Variants in WDR59 observed in about 807,000 individuals in gnomAD.
WDR59 encodes the protein WD repeat domain 59.
WDR59 carries 100 observed loss-of-function variants against 131.2 expected under a neutral mutation model. The observed-to-expected ratio is 0.76, with a 90% CI of 0.65 to 0.90. The LOEUF is 0.90. Ranked by LOEUF, WDR59 falls within the 40% of genes least tolerant of loss-of-function variation. The pLI, the probability that WDR59 is intolerant of heterozygous loss-of-function variation, is 0.00. For missense variants in WDR59, 1,203 were observed against 1,262.2 expected (o/e 0.95, Z 0.71); for synonymous variants, 601 against 466.2 (o/e 1.29, Z -3.72).
chr16:74,945,466 G>T (rs903217214), intron 6 of WDR59, among the ~76,000 whole-genome samples: 1 of 151,704 alleles, frequency 6.6e-6, no homozygotes, highest in East Asian at 1.9e-4. Flanking sequence ...AACAGAGCGA[G>T]ACTCTGTCTC....
chr16:74,915,849 A>G, intron 13 of WDR59, 21 bp downstream of exon 13: 1 of 1,614,216 alleles, frequency 6.2e-7, no homozygotes, highest in Non-Finnish European at 8.5e-7. Flanking sequence ...AACATGAGAT[A>G]CAGTTGATTA....
intron 1 of WDR59, among the ~76,000 whole-genome samples, chr16:74,966,212 G>C (rs1648090226): frequency 6.6e-6 from 1 of 152,132 alleles, no homozygotes; most frequent in African/African-American, 2.4e-5. Flanking sequence ...GGGCGGGGTG[G>C]CTCACACCTG....
Position 74,927,904 on chromosome 16 carries a change from C to CTT in WDR59, c.652-3903_652-3902dup, listed in dbSNP as rs199671092. On this transcript the variant is annotated intron_variant, in intron 8 of 25. Transcript: ENST00000262144. ...TTTTTTCCCCTTTTCTTTATTCTTT[C>CTT]TTTCTTTTTTTTTTTTTTTTTTGAG... Among the ~76,000 whole-genome samples, 278 of 137,858 alleles carry CTT rather than the reference C, an allele frequency of 2.0e-3. 4 individuals carry two copies. Among genetic ancestry groups the CTT allele is most frequent in the African/African-American group, 7.5e-3 (268 of 35,772 alleles). 90.4% of individuals were successfully genotyped at this position (137,858 alleles called of 152,430 possible). A position where few individuals can be genotyped will look rare whatever the true frequency, so the allele number is the denominator to read the frequency against.
chr16:74,972,117 A>C (rs1209420843), intron 1 of WDR59, among the ~76,000 whole-genome samples: 2 of 152,198 alleles, frequency 1.3e-5, no homozygotes, highest in African/African-American at 4.8e-5. Context: ...GAAGAGAATG[A>C]AGTTCTTAGA....
rs779964338 is a variant in WDR59 at position 74,956,652 on chromosome 16, C to A, written c.105-42G>T. On this transcript the variant is annotated intron_variant, in intron 2 of 25. Coordinates refer to ENST00000262144, the MANE Select transcript of WDR59 (RefSeq NM_030581.4). ...ACATTATAATAGTATAAAAACACAA[C>A]ATCATTAGCATTAAGATAGAAAAGC... The A allele has an allele frequency of 6.1e-5, 97 of 1,594,022 alleles. 1 individual carries two copies. Among genetic ancestry groups the A allele is most frequent in the Non-Finnish European group, 8.0e-5 (93 of 1,169,104 alleles).
intron 23 of WDR59, 107 bp from the exon 24 acceptor site, chr16:74,886,503 T>C: frequency 7.0e-7 from 1 of 1,425,362 alleles, no homozygotes; most frequent in Non-Finnish European, 9.4e-7. Flanking sequence ...CCAGAAGAAA[T>C]GTTAAGCGAG....
At chr16:74,888,357 G>A in intron 21 of WDR59, 38 bp from the exon 22 acceptor site, 1 of 1,593,596 alleles carries the variant, frequency 6.3e-7, no homozygotes, top group Non-Finnish European at 8.6e-7. Context: ...CAAGTCAGGA[G>A]GAGGGATTGA....
rs532438426 is a variant in WDR59, at chr16:74,950,611, C to CCT, written c.327-814_327-813insAG. Among the ~76,000 whole-genome samples the CCT allele has an allele frequency of 3.9e-5, 6 of 152,320 alleles. No homozygotes were observed. In the East Asian group the frequency reaches 1.2e-3, roughly 29 times the overall value. ...CCCAGGTGTCTCACCTTTCCCAGCA[C>CCT]TTCCAGGTCAGCTTAGCCCAGAAAC... On this transcript the variant is annotated intron_variant, in intron 4 of 25. Coordinates refer to ENST00000262144, the MANE Select transcript of WDR59 (RefSeq NM_030581.4).
chr16:74,940,725 A>C (rs1347370661), intron 7 of WDR59, among the ~76,000 whole-genome samples: 1 of 152,098 alleles, frequency 6.6e-6, no homozygotes, highest in Admixed American at 6.6e-5. Flanking sequence ...TTAATTTTTG[A>C]GACGGAGTCT....
chr16:74,981,817 G>A (rs1327119837), intron 1 of WDR59, among the ~76,000 whole-genome samples: 6 of 141,564 alleles, frequency 4.2e-5, no homozygotes, highest in African/African-American at 7.8e-5. Flanking sequence ...CACTATGGTC[G>A]GCTAATTTTT....
chr16:74,931,813 G>A (rs1490922547), intron 8 of WDR59, among the ~76,000 whole-genome samples: 1 of 152,010 alleles, frequency 6.6e-6, no homozygotes, highest in Non-Finnish European at 1.5e-5. Context: ...GGCCAAGCCT[G>A]AAGTGAGCTG....
chr16:74,901,342 C>T (rs1965540506), intron 18 of WDR59, among the ~76,000 whole-genome samples: 1 of 151,834 alleles, frequency 6.6e-6, no homozygotes, highest in African/African-American at 2.4e-5. Context: ...GTTACTCTCA[C>T]TCATTTAAAG....
At chr16:74,979,827 C>T (rs1419966575) in intron 1 of WDR59, among the ~76,000 whole-genome samples, 4 of 142,698 alleles carry the variant, frequency 2.8e-5, no homozygotes, top group African/African-American at 7.8e-5. Flanking sequence ...GTGTGAGTCA[C>T]CACACCCGGC....
At chr16:74,959,029 A>C in intron 2 of WDR59, among the ~76,000 whole-genome samples, 1 of 152,300 alleles carries the variant, frequency 6.6e-6, no homozygotes, top group East Asian at 1.9e-4. Flanking sequence ...ATTGCACTCC[A>C]GCCCGGGCAA....
chr16:74,907,211 C>T (rs758969424), intron 17 of WDR59, among the ~76,000 whole-genome samples: 45 of 152,226 alleles, frequency 3.0e-4, no homozygotes, highest in Non-Finnish European at 5.6e-4. Flanking sequence ...GTTCTCTCAT[C>T]CAGTTCTCTC....
At chr16:74,946,299 G>A (rs2032632014) in intron 6 of WDR59, among the ~76,000 whole-genome samples, 1 of 152,120 alleles carries the variant, frequency 6.6e-6, no homozygotes, top group Non-Finnish European at 1.5e-5. Context: ...ATCCAATGGG[G>A]GTCTTGGACT....
At chr16:74,976,974 C>G (rs2034211218) in intron 1 of WDR59, among the ~76,000 whole-genome samples, 1 of 152,104 alleles carries the variant, frequency 6.6e-6, no homozygotes, top group African/African-American at 2.4e-5. Flanking sequence ...GGCACTCCAG[C>G]CTGGGCGACA....
intron 2 of WDR59, among the ~76,000 whole-genome samples, chr16:74,964,027 T>TA (rs904072869): frequency 1.4e-5 from 2 of 148,124 alleles, no homozygotes; most frequent in Non-Finnish European, 3.0e-5. Flanking sequence ...CCCTCATCTC[T>TA]AAAAAAAAGA....
At chr16:74,984,558 G>A (rs951348967) in intron 1 of WDR59, 15 of 243,388 alleles carry the variant, frequency 6.2e-5, no homozygotes, top group Non-Finnish European at 9.0e-5. Context: ...ACCCCAACAG[G>A]GTTACGTCCA....
Sources: gnomAD v4.1 joint callset for allele counts (sites outside exome capture counted in the v4.1 genomes callset) on GRCh38, gnomAD v4.1.1 for gene constraint, MANE v1.5 for transcripts, NCBI Gene and HGNC (gene_info 2026-07-23, HGNC 2026-07-21) for gene names.